The following STAU1 variants were observed in gnomAD, a reference collection of about 807,000 sequenced individuals.
STAU1 encodes staufen double-stranded RNA binding protein 1.
A neutral mutation model predicts 62.9 loss-of-function variants in STAU1; 13 were observed. The observed-to-expected ratio is 0.21, with a 90% CI of 0.13 to 0.33. The LOEUF (loss-of-function observed/expected upper bound fraction) is 0.33. STAU1 is among the 10% of genes least tolerant of loss of function. The pLI, the probability that STAU1 is intolerant of heterozygous loss-of-function variation, is 1.00. For missense variants in STAU1, 571 were observed against 712.1 expected, an observed-to-expected ratio of 0.80 and a Z score of 2.25; for synonymous variants, 269 against 265.1, an observed-to-expected ratio of 1.01 and a Z score of -0.14.
At chr20:49,161,543 C>T (rs2093448640) in intron 3 of STAU1, among the ~76,000 whole-genome samples, 1 of 152,130 alleles carries the variant, frequency 6.6e-6, no homozygotes, top group Non-Finnish European at 1.5e-5. Flanking sequence ...AATGCACAAG[C>T]AGTATGGACA....
At position 49,158,821 on chromosome 20, in the gene STAU1, C is replaced by A. The variant is rs375911203; in HGVS notation, c.206-4750G>T. The A allele has an allele frequency of 6.0e-6, 4 of 667,684 alleles. No individual in the cohort carries two copies. The African/African-American group carries it at 7.7e-5, about 13-fold the overall frequency. The allele number at this position is 667,684 out of a possible 1,614,324, so 41.4% of individuals were successfully genotyped here. A position where few individuals can be genotyped will look rare whatever the true frequency, so the allele number is the denominator to read the frequency against. On this transcript the variant is annotated intron_variant, in intron 3 of 13. Coordinates refer to ENST00000371856, the MANE Select transcript of STAU1 (RefSeq NM_017453.4). ...ACTCCATTTCAAAATAAAAAAAAGC[C>A]GGGCGCGGTGGCTCATGCCTGTAAT...
rs2092624321 is a variant in STAU1 at position 49,126,588 on chromosome 20, C to CAAAAACAAAACAAAACAAAACA, written c.610-2002_610-2001insTGTTTTGTTTTGTTTTGTTTTT. Reference sequence around the variant, plus strand: ...GTCTCAAAAAGCAAAAAAAAAAAAACAAAAAAAAAACAAAAAAACTTAAAA... The same window carrying CAAAAACAAAACAAAACAAAACA: ...GTCTCAAAAAGCAAAAAAAAAAAAACAAAAACAAAACAAAACAAAACAAAAAAAAAAACAAAAAAACTTAAAA... On this transcript the variant is annotated intron_variant, in intron 6 of 13. Coordinates refer to ENST00000371856, the MANE Select transcript of STAU1 (RefSeq NM_017453.4). Among the ~76,000 whole-genome samples the CAAAAACAAAACAAAACAAAACA allele has an allele frequency of 2.5e-4, 14 of 56,382 alleles. 1 individual carries two copies. The highest frequency in any genetic ancestry group is 4.4e-4 in the Non-Finnish European group (12 of 27,106). The allele number at this position is 56,382 out of a possible 152,430, so 37.0% of individuals were successfully genotyped here.
chr20:49,129,560 A>G (rs1047911755), intron 6 of STAU1, among the ~76,000 whole-genome samples: 7 of 151,776 alleles, frequency 4.6e-5, no homozygotes, highest in Admixed American at 4.6e-4. Context: ...ATGTAGAGCA[A>G]CTAAGCCTCT....
At chr20:49,199,636 G>A in the STAU1 span, among the ~76,000 whole-genome samples, 6 of 150,328 alleles carry the variant, frequency 4.0e-5, no homozygotes, top group Non-Finnish European at 5.9e-5. Context: ...GCAGTGGTGC[G>A]ATCTTGGCTC....
intron 2 of STAU1, among the ~76,000 whole-genome samples, chr20:49,170,823 A>T (rs988014187): frequency 1.3e-5 from 2 of 151,878 alleles, no homozygotes; most frequent in African/African-American, 2.4e-5. Flanking sequence ...AGTCATCCCA[A>T]TTCTGGAGAA....
chr20:49,175,983 A>T (rs1222914588), intron 1 of STAU1, among the ~76,000 whole-genome samples: 1 of 151,276 alleles, frequency 6.6e-6, no homozygotes, highest in Admixed American at 6.6e-5. Context: ...TTTAGTAGAG[A>T]CGGGGTTTCA....
intron 5 of STAU1, among the ~76,000 whole-genome samples, chr20:49,140,044 A>T (rs1005825130): frequency 3.3e-5 from 5 of 150,926 alleles, no homozygotes; most frequent in African/African-American, 1.2e-4. Flanking sequence ...AAATTAGCTG[A>T]GCGTGGTGAC....
chr20:49,137,377 C>A (rs1236439566), intron 5 of STAU1, among the ~76,000 whole-genome samples: 4 of 152,122 alleles, frequency 2.6e-5, no homozygotes, highest in African/African-American at 9.7e-5. Context: ...GAGCAAGGAT[C>A]TTACTTCTGC....
intron 6 of STAU1, among the ~76,000 whole-genome samples, chr20:49,133,480 T>C (rs2092799590): frequency 6.6e-6 from 1 of 152,074 alleles, no homozygotes. Flanking sequence ...AAGCAACACT[T>C]CTCCCCTTTC....
chr20:49,123,626 C>CT (rs1220630210), intron 7 of STAU1, among the ~76,000 whole-genome samples: 1 of 152,128 alleles, frequency 6.6e-6, no homozygotes, highest in Non-Finnish European at 1.5e-5. Flanking sequence ...CCAGGAACCA[C>CT]TTTTTTAAAA....
chr20:49,172,946 C>T (rs1345155755), intron 2 of STAU1, among the ~76,000 whole-genome samples: 1 of 151,092 alleles, frequency 6.6e-6, no homozygotes, highest in Non-Finnish European at 1.5e-5. Context: ...GAAACAATCT[C>T]GGCTCACTGC....
intron 6 of STAU1, among the ~76,000 whole-genome samples, chr20:49,132,453 GTATGTTTTATCAGAAGTCAAACT>G (rs2092771828): frequency 1.3e-5 from 2 of 152,166 alleles, no homozygotes; most frequent in African/African-American, 4.8e-5. Flanking sequence ...AACTAAAACT[GTATGTTTTATCAGAAGTCAAACT>G]GGCTGGGCAC....
At chr20:49,194,506 C>A in the STAU1 span, among the ~76,000 whole-genome samples, 1 of 151,526 alleles carries the variant, frequency 6.6e-6, no homozygotes, top group Admixed American at 6.6e-5. Flanking sequence ...TGTCTATAAT[C>A]CCAGCACTGT....
chr20:49,168,350 G>C (rs1367762300), intron 2 of STAU1, among the ~76,000 whole-genome samples: 3 of 152,008 alleles, frequency 2.0e-5, no homozygotes, highest in African/African-American at 7.3e-5. Context: ...CAAAGTCCTG[G>C]GATTACAAGT....
intron 3 of STAU1, chr20:49,159,168 A>C (rs2093412860): frequency 4.6e-6 from 5 of 1,077,804 alleles, no homozygotes; most frequent in South Asian, 2.6e-5. Context: ...AAAACACACA[A>C]AGTTATTCTC....
intron 1 of STAU1, among the ~76,000 whole-genome samples, chr20:49,180,198 A>C (rs571206513): frequency 1.3e-5 from 2 of 152,370 alleles, no homozygotes; most frequent in South Asian, 4.1e-4. Context: ...AGCAAAGAGG[A>C]CAACCAGCAC....
chr20:49,178,498 C>T (rs1158856315), intron 1 of STAU1, among the ~76,000 whole-genome samples: 1 of 152,172 alleles, frequency 6.6e-6, no homozygotes, highest in African/African-American at 2.4e-5. Flanking sequence ...CCTGTAATCC[C>T]AACACTTTGG....
chr20:49,159,148 T>TAA (rs71184267), intron 3 of STAU1: 5,646 of 940,416 alleles, frequency 6.0e-3, no homozygotes, highest in Non-Finnish European at 6.6e-3. Context: ...GGGAAAAAGC[T>TAA]AAAAAAAAAA....
chr20:49,152,526 G>T (rs921596005), intron 4 of STAU1, among the ~76,000 whole-genome samples: 5 of 151,770 alleles, frequency 3.3e-5, no homozygotes, highest in African/African-American at 1.2e-4. Context: ...ATTTTTAGTA[G>T]AGACAGGGTT....
Sources: allele counts gnomAD v4.1 joint callset (sites outside exome capture counted in the v4.1 genomes callset), GRCh38; gene constraint gnomAD v4.1.1; transcripts MANE v1.5; gene names NCBI Gene and HGNC (gene_info 2026-07-23, HGNC 2026-07-21).